The following PELO variants were observed in gnomAD, a reference collection of about 807,000 sequenced individuals.
The protein encoded by PELO is pelota mRNA surveillance and ribosome rescue factor.
PELO carries 19 observed loss-of-function variants against 25.9 expected under a neutral mutation model. The ratio of observed to expected loss-of-function variants is 0.73; its 90% CI spans 0.51 to 1.08. PELO has a LOEUF of 1.08. Among genes scored for constraint, PELO ranks in the 50% least tolerant of loss-of-function variants. The pLI is 0.00. For synonymous variants in PELO, 196 were observed against 192.2 expected, an observed-to-expected ratio of 1.02 and a Z score of -0.16; for missense variants, 498 against 491.4, an observed-to-expected ratio of 1.01 and a Z score of -0.13.
At position 52,800,190 on chromosome 5, in the gene PELO, C is replaced by G. The variant is rs756416655; in HGVS notation, c.-205C>G. 1 of 593,658 alleles carries G rather than the reference C, an allele frequency of 1.7e-6. No individual in the cohort carries two copies. The highest frequency in any genetic ancestry group is 2.8e-5 in the East Asian group (1 of 35,258). The allele number at this position is 593,658 out of a possible 1,614,324, so 36.8% of individuals were successfully genotyped here. A position where few individuals can be genotyped will look rare whatever the true frequency, so the allele number is the denominator to read the frequency against. Reference sequence around the variant, plus strand: ...CCCGAGCCTGTTAGACGCAGCGCGCCGGGAGACTGAGAGAGGAAAGGATAG... The same window carrying G: ...CCCGAGCCTGTTAGACGCAGCGCGCGGGGAGACTGAGAGAGGAAAGGATAG... On this transcript the variant is annotated 5_prime_UTR_variant, in exon 2 of 3. Coordinates refer to ENST00000274311, the MANE Select transcript of PELO (RefSeq NM_015946.5).
intron 1 of PELO, among the ~76,000 whole-genome samples, 173 bp downstream of exon 1, chr5:52,788,587 T>G (rs530515785): frequency 6.6e-6 from 1 of 152,272 alleles, no homozygotes; most frequent in Non-Finnish European, 1.5e-5. Context: ...CGCGTTCTGG[T>G]TTTGATATGA....
At chr5:52,799,435 G>A (rs1238101632) in intron 1 of PELO, among the ~76,000 whole-genome samples, 1 of 152,188 alleles carries the variant, frequency 6.6e-6, no homozygotes, top group Non-Finnish European at 1.5e-5. Flanking sequence ...CTGGGCTGCG[G>A]AAAGCTGAGG....
rs1229947588 is a variant in PELO, at chr5:52,798,628, AAT to A, written c.-510-1255_-510-1254del. Among the ~76,000 whole-genome samples the A allele has an allele frequency of 1.1e-4, 17 of 152,286 alleles. No homozygotes were observed. In the South Asian group the frequency reaches 3.5e-3, roughly 32 times the overall value. On this transcript the variant is annotated intron_variant, in intron 1 of 2. Transcript: ENST00000274311. Reference sequence around the variant, plus strand: ...TCATGTGAGAGGGTAGCAGGGGGAAAATAGTCATTCATGCCTCTGTCTGGCTT... The same window carrying A: ...TCATGTGAGAGGGTAGCAGGGGGAAAAGTCATTCATGCCTCTGTCTGGCTT...
In PELO at chr5:52,799,995, A is replaced by C. The variant is rs1248443330; in HGVS notation, c.-400A>C. The C allele has an allele frequency of 3.8e-6, 1 of 260,968 alleles. No individual in the cohort carries two copies. The highest frequency in any genetic ancestry group is 1.1e-4 in the East Asian group (1 of 9,432). The allele number at this position is 260,968 out of a possible 1,614,324, so 16.2% of individuals were successfully genotyped here. On this transcript the variant is annotated 5_prime_UTR_variant, in exon 2 of 3. Coordinates refer to ENST00000274311, the MANE Select transcript of PELO (RefSeq NM_015946.5). ...AGTTCATTCGTCCGGAGCGCCTCACAGCTTAGTGCGCCTGCGCACGCGCGA... is the reference window on the plus strand; with the variant it reads ...AGTTCATTCGTCCGGAGCGCCTCACCGCTTAGTGCGCCTGCGCACGCGCGA...
rs1310973915 is a variant in PELO, at chr5:52,800,873, G to C, written c.479G>C (p.Arg160Pro). The C allele has an allele frequency of 1.2e-6, 2 of 1,611,244 alleles. No individual in the cohort carries two copies. Among genetic ancestry groups the C allele is most frequent in the African/African-American group, 1.3e-5 (1 of 74,866 alleles). The change falls in exon 2 of 3, where the codon CGG becomes CCG. Residue 160 changes from arginine to proline, a missense_variant. By Grantham distance (103) the Arg-to-Pro change is moderately radical. Transcript: ENST00000274311. Reference sequence around the variant, plus strand: ...GTCACTCCCAGCATGACCCTCACTCGGGCCAAGGTGGAGGTGAACATCCCT... The same window carrying C: ...GTCACTCCCAGCATGACCCTCACTCCGGCCAAGGTGGAGGTGAACATCCCT... ...CLVTPSMTLTRAKVEVNIPRK... is the reference protein window; with the variant it reads ...CLVTPSMTLTPAKVEVNIPRK...
intron 2 of PELO, 135 bp downstream of exon 2, chr5:52,801,255 A>G (rs1054158932): frequency 3.0e-5 from 35 of 1,151,490 alleles, no homozygotes; most frequent in Non-Finnish European, 4.1e-5. Flanking sequence ...ATAATGAAAT[A>G]AAAAGAGAAT....
At chr5:52,798,302 G>C (rs896181567) in intron 1 of PELO, among the ~76,000 whole-genome samples, 1 of 152,072 alleles carries the variant, frequency 6.6e-6, no homozygotes, top group Non-Finnish European at 1.5e-5. Flanking sequence ...CATAGAGAGC[G>C]AGAAACAAAG....
chr5:52,794,414 C>G (rs1410178867), intron 1 of PELO, among the ~76,000 whole-genome samples: 1 of 151,240 alleles, frequency 6.6e-6, no homozygotes, highest in South Asian at 2.1e-4. Flanking sequence ...CTGGCCAATC[C>G]TTAAAAATAT....
At chr5:52,796,887 G>A (rs530556537) in intron 1 of PELO, among the ~76,000 whole-genome samples, 1 of 152,196 alleles carries the variant, frequency 6.6e-6, no homozygotes, top group South Asian at 2.1e-4. Flanking sequence ...ATGAAAGGAA[G>A]TGACATTTTA....
chr5:52,795,989 T>C (rs1748334062), intron 1 of PELO, among the ~76,000 whole-genome samples: 1 of 151,966 alleles, frequency 6.6e-6, no homozygotes, highest in South Asian at 2.1e-4. Flanking sequence ...AAATGGGTCT[T>C]AGAAAAATCA....
At position 52,802,630 on chromosome 5, in the gene PELO, C is replaced by G. The variant is rs1217480291; in HGVS notation, c.*790C>G. On this transcript the variant is annotated 3_prime_UTR_variant, in exon 3 of 3. Coordinates refer to ENST00000274311, the MANE Select transcript of PELO (RefSeq NM_015946.5). ...GTTATGTGGCTAATTAGTGGCAAAG[C>G]TGGAAGTCATTCCCAGTCTGGACTT... The G allele has an allele frequency of 6.6e-6, 1 of 152,172 alleles. No homozygotes were observed. The highest frequency in any genetic ancestry group is 1.5e-5 in the Non-Finnish European group (1 of 68,020). 9.4% of individuals were successfully genotyped at this position (152,172 alleles called of 1,614,324 possible).
rs181398202 is a variant in PELO, at chr5:52,801,128, A to T, written c.726+8A>T. On this transcript the variant is annotated splice_region_variant and intron_variant, in intron 2 of 2. Transcript: ENST00000274311. ...CGGTCCAAATTTCTTCAGGTAAAAC[A>T]ATCTTACCCAGGGATAATTAAGAAT... 158 of 1,586,446 alleles carry T rather than the reference A, an allele frequency of 1.0e-4. No homozygotes were observed. In the East Asian group the frequency reaches 2.3e-3, roughly 23 times the overall value.
intron 1 of PELO, among the ~76,000 whole-genome samples, chr5:52,796,495 A>G (rs1314285688): frequency 6.6e-6 from 1 of 152,000 alleles, no homozygotes; most frequent in East Asian, 1.9e-4. Context: ...AAGCCCTGGT[A>G]TTTTTCTCAA....
At position 52,788,266 on chromosome 5, in the gene PELO, T is replaced by C. The variant is rs1748163365; in HGVS notation, c.-659T>C. On this transcript the variant is annotated 5_prime_UTR_variant, in exon 1 of 3. Transcript: ENST00000274311. ...AGGACTGGGAACCGCGGCAGCGGGA[T>C]AAGTGGCCCAGCCAGAGAGCGCAGC... is the stretch of plus-strand genomic sequence containing the variant. 1.9e-6 allele frequency: 2 copies of C among 1,047,286 alleles called. No individual in the cohort carries two copies. Among genetic ancestry groups the C allele is most frequent in the African/African-American group, 3.4e-5 (2 of 59,042 alleles). 64.9% of individuals were successfully genotyped at this position (1,047,286 alleles called of 1,614,324 possible).
At chr5:52,801,229 C>T (rs1748474345) in intron 2 of PELO, 109 bp downstream of exon 2, 1 of 1,248,826 alleles carries the variant, frequency 8.0e-7, no homozygotes, top group Non-Finnish European at 1.1e-6. Context: ...CTTTACTTAG[C>T]TGGGATTTTC....
chr5:52,792,543 G>A (rs987263750), intron 1 of PELO, among the ~76,000 whole-genome samples: 2 of 152,002 alleles, frequency 1.3e-5, no homozygotes, highest in Non-Finnish European at 2.9e-5. Context: ...ATGAGCTCTT[G>A]GGCCACAGCT....
chr5:52,788,286 C>A lies in PELO; in HGVS notation c.-639C>A. 5 of 1,260,886 alleles carry A rather than the reference C, an allele frequency of 4.0e-6. No homozygotes were observed. The highest frequency in any genetic ancestry group is 5.2e-6 in the Non-Finnish European group (5 of 959,106). The allele number at this position is 1,260,886 out of a possible 1,614,324, so 78.1% of individuals were successfully genotyped here. ...CGGGATAAGTGGCCCAGCCAGAGAGCGCAGCTCCCGCGCCCGGTCCTGCCC... is the reference window on the plus strand; with the variant it reads ...CGGGATAAGTGGCCCAGCCAGAGAGAGCAGCTCCCGCGCCCGGTCCTGCCC... On this transcript the variant is annotated 5_prime_UTR_variant, in exon 1 of 3. Coordinates refer to ENST00000274311, the MANE Select transcript of PELO (RefSeq NM_015946.5).
At position 52,801,597 on chromosome 5, in the gene PELO, C is replaced by T; in HGVS notation, c.915C>T (p.Ala305=). 4 of 1,613,910 alleles carry T rather than the reference C, an allele frequency of 2.5e-6. No homozygotes were observed. Among genetic ancestry groups the T allele is most frequent in the Non-Finnish European group, 3.4e-6 (4 of 1,179,814 alleles). Reference sequence around the variant, plus strand: ...AGCAGGTGGAGAAGGCCAATGAAGCCATGGCAATTGACACATTGCTCATCA... The same window carrying T: ...AGCAGGTGGAGAAGGCCAATGAAGCTATGGCAATTGACACATTGCTCATCA... ...GLKQVEKANE[A]MAIDTLLISD... The change falls in exon 3 of 3, where the codon GCC becomes GCT. Residue 305 remains alanine, a synonymous_variant. Coordinates refer to ENST00000274311, the MANE Select transcript of PELO (RefSeq NM_015946.5).
chr5:52,788,999 T>C (rs1748185735), intron 1 of PELO, among the ~76,000 whole-genome samples: 1 of 152,214 alleles, frequency 6.6e-6, no homozygotes, highest in Non-Finnish European at 1.5e-5. Context: ...AAAGGAATGG[T>C]GAACATTTTC....
Sources: allele counts gnomAD v4.1 joint callset (sites outside exome capture counted in the v4.1 genomes callset), GRCh38; gene constraint gnomAD v4.1.1; transcripts MANE v1.5; gene names NCBI Gene and HGNC (gene_info 2026-07-23, HGNC 2026-07-21).